ITFG1: variants seen among roughly 807,000 people sequenced by gnomAD.
The protein encoded by ITFG1 is T-cell immunomodulatory protein.
ITFG1 carries 34 observed loss-of-function variants against 81.8 expected under a neutral mutation model. The ratio of observed to expected loss-of-function variants is 0.42; its 90% CI spans 0.32 to 0.55. ITFG1 has a LOEUF of 0.55. Ranked by LOEUF, ITFG1 falls within the 20% of genes least tolerant of loss-of-function variation. The probability of loss-of-function intolerance (pLI) is 0.17; values close to 1 mark genes in which losing one functional copy is unlikely to be tolerated. For synonymous variants in ITFG1, 285 were observed against 270.6 expected, an observed-to-expected ratio of 1.05 and a Z score of -0.52; for missense variants, 672 against 755.4, an observed-to-expected ratio of 0.89 and a Z score of 1.29.
chr16:47,199,582 C>T (rs1226316651), intron 14 of ITFG1, among the ~76,000 whole-genome samples: 1 of 152,138 alleles, frequency 6.6e-6, no homozygotes, highest in Non-Finnish European at 1.5e-5. Flanking sequence ...AGGTTTGTAG[C>T]CTAGGCGTAA....
intron 10 of ITFG1, among the ~76,000 whole-genome samples, chr16:47,267,571 G>T: frequency 6.6e-6 from 1 of 152,040 alleles, no homozygotes. Context: ...CCTGACTGAC[G>T]TTTATTGACC....
chr16:47,317,946 C>G (rs1280414345), intron 8 of ITFG1: 1 of 152,096 alleles, frequency 6.6e-6, no homozygotes, highest in Non-Finnish European at 1.5e-5. Flanking sequence ...TAATAAAACA[C>G]ATACCACTAC....
chr16:47,334,529 G>T (rs987262348), intron 8 of ITFG1, among the ~76,000 whole-genome samples: 1 of 152,198 alleles, frequency 6.6e-6, no homozygotes, highest in Non-Finnish European at 1.5e-5. Flanking sequence ...TGATTTCTCA[G>T]ATTTTGTTTC....
intron 8 of ITFG1, among the ~76,000 whole-genome samples, chr16:47,344,209 T>A (rs1269921009): frequency 6.6e-6 from 1 of 152,144 alleles, no homozygotes. Context: ...TGCACAACAG[T>A]GTGAATGTAA....
chr16:47,406,675 G>A (rs1384374772), intron 6 of ITFG1, among the ~76,000 whole-genome samples: 1 of 152,128 alleles, frequency 6.6e-6, no homozygotes, highest in Non-Finnish European at 1.5e-5. Context: ...AGTATGGGAA[G>A]AAGCAATAAA....
chr16:47,409,393 TATATATATA>T lies in ITFG1; in HGVS notation c.655+19402_655+19410del, dbSNP rs1299883164. Among the ~76,000 whole-genome samples, 31 of 16,592 alleles carry T rather than the reference TATATATATA, an allele frequency of 1.9e-3. 2 individuals are homozygous for T. The highest frequency in any genetic ancestry group is 3.0e-3 in the Admixed American group (5 of 1,658). 10.9% of individuals were successfully genotyped at this position (16,592 alleles called of 152,430 possible). ...CACACACTATATATATATATATATATATATATATATATTTTTTTTTTTTTTTTTTTTTTT... is the reference window on the plus strand; with the variant it reads ...CACACACTATATATATATATATATATTATTTTTTTTTTTTTTTTTTTTTTT... On this transcript the variant is annotated intron_variant, in intron 6 of 17. Coordinates refer to ENST00000320640, the MANE Select transcript of ITFG1 (RefSeq NM_030790.5).
chr16:47,295,984 G>A (rs1458919568), intron 10 of ITFG1, among the ~76,000 whole-genome samples: 2 of 152,058 alleles, frequency 1.3e-5, no homozygotes, highest in African/African-American at 4.8e-5. Context: ...TTGCAGCCTG[G>A]ACCTTCTGAG....
chr16:47,435,201 A>G (rs1448326906), intron 5 of ITFG1, among the ~76,000 whole-genome samples: 5 of 152,230 alleles, frequency 3.3e-5, no homozygotes, highest in Non-Finnish European at 5.9e-5. Flanking sequence ...AAAGAAAAAA[A>G]GTTGCTCTTT....
At chr16:47,429,305 A>C (rs949454839) in intron 5 of ITFG1, among the ~76,000 whole-genome samples, 5 of 152,352 alleles carry the variant, frequency 3.3e-5, no homozygotes, top group South Asian at 4.1e-4. Context: ...TTCTTTCTAT[A>C]GCGGAATAAT....
chr16:47,196,145 C>A (rs1965354762), intron 14 of ITFG1, among the ~76,000 whole-genome samples: 1 of 150,256 alleles, frequency 6.7e-6, no homozygotes, highest in South Asian at 2.1e-4. Context: ...TAGCTTATTT[C>A]AAGATTTTTC....
intron 8 of ITFG1, among the ~76,000 whole-genome samples, chr16:47,363,921 G>C (rs1159102427): frequency 6.6e-6 from 1 of 151,912 alleles, no homozygotes; most frequent in Non-Finnish European, 1.5e-5. Context: ...TTAAGCATGT[G>C]CACTCTTTAT....
chr16:47,391,855 T>C (rs1001097584), intron 6 of ITFG1, among the ~76,000 whole-genome samples: 1 of 152,204 alleles, frequency 6.6e-6, no homozygotes. Flanking sequence ...AATTATTTCA[T>C]TATTGGGACA....
At chr16:47,350,467 A>G (rs1967934757) in intron 8 of ITFG1, among the ~76,000 whole-genome samples, 1 of 152,244 alleles carries the variant, frequency 6.6e-6, no homozygotes, top group Admixed American at 6.5e-5. Context: ...ACTCTAGTAG[A>G]AATGGATAAA....
intron 10 of ITFG1, among the ~76,000 whole-genome samples, chr16:47,264,143 A>G (rs892026552): frequency 6.6e-6 from 1 of 152,136 alleles, no homozygotes; most frequent in Non-Finnish European, 1.5e-5. Context: ...TTAAAAAGTC[A>G]AAATCCTTCC....
intron 12 of ITFG1, among the ~76,000 whole-genome samples, chr16:47,254,943 G>A (rs1776013122): frequency 6.6e-6 from 1 of 152,008 alleles, no homozygotes; most frequent in Admixed American, 6.6e-5. Flanking sequence ...AAAGATTAGC[G>A]AGGCATGGCA....
In ITFG1 at chr16:47,326,767, A is replaced by G. The variant is rs1023914565; in HGVS notation, c.803-12944T>C. Among the ~76,000 whole-genome samples, 84 of 152,156 alleles carry G rather than the reference A, an allele frequency of 5.5e-4. 1 individual carries two copies. Among genetic ancestry groups the G allele is most frequent in the African/African-American group, 2.0e-3 (81 of 41,504 alleles). Reference sequence around the variant, plus strand: ...AAATACCTAGGAATCCAACTTACAAAGGATGTGAAGGACCTCTTCAAGGAG... The same window carrying G: ...AAATACCTAGGAATCCAACTTACAAGGGATGTGAAGGACCTCTTCAAGGAG... On this transcript the variant is annotated intron_variant, in intron 8 of 17. Transcript: ENST00000320640.
At chr16:47,449,600 G>A (rs1392400206) in intron 5 of ITFG1, 1 of 152,126 alleles carries the variant, frequency 6.6e-6, no homozygotes, top group Non-Finnish European at 1.5e-5. Flanking sequence ...GATATGGTTA[G>A]CTACTATTGT....
intron 6 of ITFG1, among the ~76,000 whole-genome samples, chr16:47,400,408 G>T (rs1968645604): frequency 6.6e-6 from 1 of 151,322 alleles, no homozygotes; most frequent in Admixed American, 6.6e-5. Context: ...CACCAGCATT[G>T]TGTCAGGACT....
Position 47,242,404 on chromosome 16 carries a change from T to C in ITFG1, c.1331-4396A>G, listed in dbSNP as rs569041667. 4.3e-4 allele frequency among the ~76,000 whole-genome samples: 65 copies of C among 150,202 alleles called. No individual in the cohort carries two copies. The South Asian group carries it at 0.011, about 26-fold the overall frequency. On this transcript the variant is annotated intron_variant, in intron 12 of 17. Coordinates refer to ENST00000320640, the MANE Select transcript of ITFG1 (RefSeq NM_030790.5). ...AAAAACCAATTTTATTCCCAAGAGA[T>C]AGGTGAAAAAGAAAAGCATGATAAA...
Sources: allele counts gnomAD v4.1 joint callset (sites outside exome capture counted in the v4.1 genomes callset), GRCh38; gene constraint gnomAD v4.1.1; transcripts MANE v1.5; gene names NCBI Gene and HGNC (gene_info 2026-07-23, HGNC 2026-07-21).